SLC45A3: variants seen among roughly 807,000 people sequenced by gnomAD.
SLC45A3 encodes solute carrier family 45 member 3.
Under a neutral mutation model 35.3 loss-of-function variants are expected in SLC45A3, and 17 were observed. The observed-to-expected ratio is 0.48, with a 90% CI of 0.33 to 0.72. SLC45A3 has a LOEUF of 0.72. SLC45A3 is among the 30% of genes least tolerant of loss of function. SLC45A3 has a pLI of 0.02. For missense variants in SLC45A3, 597 were observed against 731.7 expected, an observed-to-expected ratio of 0.82 and a Z score of 2.12; for synonymous variants, 288 against 334.3, an observed-to-expected ratio of 0.86 and a Z score of 1.51.
Position 205,659,607 on chromosome 1 carries a change from C to A in SLC45A3, c.1289G>T (p.Ser430Ile). 6.4e-7 allele frequency: 1 copy of A among 1,560,190 alleles called. No homozygotes were observed. The highest frequency in any genetic ancestry group is 8.7e-7 in the Non-Finnish European group (1 of 1,154,966). ...GASSEDSLMTSFLPGPKPGAP... is the reference protein window; with the variant it reads ...GASSEDSLMTIFLPGPKPGAP... ...TCCAGGCTTAGGGCCTGGCAGGAAG[C>A]TGGTCATCAGGCTGTCCTCACTGCT... Residue 430 changes from serine (S) to isoleucine (I), a missense_variant, in exon 5 of 5, where the codon AGC becomes ATC. By Grantham distance (142) the Ser-to-Ile change is moderately radical. Coordinates refer to ENST00000367145, the MANE Select transcript of SLC45A3 (RefSeq NM_033102.3). The surrounding 1 kb of genome is among the most constrained non-coding windows in gnomAD (Gnocchi z 5.8).
At chr1:205,678,340 C>CA (rs1158133351) in intron 1 of SLC45A3, among the ~76,000 whole-genome samples, 1 of 152,160 alleles carries the variant, frequency 6.6e-6, no homozygotes, top group Non-Finnish European at 1.5e-5. Context: ...ATCTTTCTGA[C>CA]AGTCTGGGTT....
intron 2 of SLC45A3, 72 bp from the exon 3 acceptor site, chr1:205,663,690 C>A: frequency 2.1e-6 from 3 of 1,418,936 alleles, no homozygotes; most frequent in South Asian, 2.8e-5. Context: ...AACCAAGCTC[C>A]GTGAGAAGGA....
chr1:205,659,066 C>A lies in SLC45A3; in HGVS notation c.*168G>T. ...AGAGAGGAGAGGGACGCCCCAGCCC[C>A]CAGCTGTGCAGCTACGCACCTCAGC... On this transcript the variant is annotated 3_prime_UTR_variant, in exon 5 of 5. Coordinates refer to ENST00000367145, the MANE Select transcript of SLC45A3 (RefSeq NM_033102.3). This position sits in a 1 kb window ranked among gnomAD's most constrained non-coding sequence, Gnocchi z 5.8. 1.4e-6 allele frequency: 1 copy of A among 695,498 alleles called. No homozygotes were observed. The allele number at this position is 695,498 out of a possible 1,614,324, so 43.1% of individuals were successfully genotyped here.
rs1159524354 is a variant in SLC45A3 at position 205,669,228 on chromosome 1, C to G, written c.-230-4342G>C. Among the ~76,000 whole-genome samples, 1 of 152,176 alleles carries G rather than the reference C, an allele frequency of 6.6e-6. No individual in the cohort carries two copies. Among genetic ancestry groups the G allele is most frequent in the Non-Finnish European group, 1.5e-5 (1 of 68,034 alleles). Reference sequence around the variant, plus strand: ...AGGTGGTGAGTGGCTCAGATAAACCCTCCTGGACTGGAAAGCCCCCACTTC... The same window carrying G: ...AGGTGGTGAGTGGCTCAGATAAACCGTCCTGGACTGGAAAGCCCCCACTTC... On this transcript the variant is annotated intron_variant, in intron 1 of 4. Transcript: ENST00000367145. The surrounding 1 kb of genome is among the most constrained non-coding windows in gnomAD (Gnocchi z 4.1).
chr1:205,676,357 G>C (rs953069430), intron 1 of SLC45A3, among the ~76,000 whole-genome samples: 1 of 152,152 alleles, frequency 6.6e-6, no homozygotes, highest in African/African-American at 2.4e-5. Flanking sequence ...TATGGTGACT[G>C]GGGGACTGTG....
In SLC45A3 at chr1:205,662,657, G is replaced by T; in HGVS notation, c.958+176C>A. The T allele has an allele frequency of 2.2e-6, 3 of 1,385,646 alleles. No homozygotes were observed. In the South Asian group the frequency reaches 5.7e-5, roughly 26 times the overall value. 85.8% of individuals were successfully genotyped at this position (1,385,646 alleles called of 1,614,324 possible). A position where few individuals can be genotyped will look rare whatever the true frequency, so the allele number is the denominator to read the frequency against. On this transcript the variant is annotated intron_variant, in intron 3 of 4. Transcript: ENST00000367145. The surrounding 1 kb of genome is among the most constrained non-coding windows in gnomAD (Gnocchi z 6.2). ...AGCAGCCAGAGGCCTTCCTGAAACC[G>T]CAAGCAGAGATGTTCCACACCCATG...
At chr1:205,667,207 A>T (rs988059205) in intron 1 of SLC45A3, among the ~76,000 whole-genome samples, 3 of 152,082 alleles carry the variant, frequency 2.0e-5, no homozygotes, top group African/African-American at 7.2e-5. Context: ...TGTTTCTACA[A>T]AAATAAAAAT....
At chr1:205,679,837 C>A (rs1367416038) in intron 1 of SLC45A3, among the ~76,000 whole-genome samples, 2 of 152,036 alleles carry the variant, frequency 1.3e-5, no homozygotes. Context: ...CCGGCCTGGG[C>A]CTGAGCACCC....
At chr1:205,672,937 G>A (rs1395259814) in intron 1 of SLC45A3, among the ~76,000 whole-genome samples, 1 of 152,152 alleles carries the variant, frequency 6.6e-6, no homozygotes, top group African/African-American at 2.4e-5. Context: ...TTCAGGAAGG[G>A]ATTCATGTTC....
At chr1:205,667,452 A>C (rs1403264127) in intron 1 of SLC45A3, among the ~76,000 whole-genome samples, 2 of 152,120 alleles carry the variant, frequency 1.3e-5, no homozygotes, top group African/African-American at 4.8e-5. Flanking sequence ...GGTTGCAGTG[A>C]GCCGAGATTG....
intron 1 of SLC45A3, among the ~76,000 whole-genome samples, chr1:205,671,475 G>C (rs1012656837): frequency 2.6e-5 from 4 of 152,190 alleles, no homozygotes; most frequent in Non-Finnish European, 1.5e-5. Context: ...GTGTCTGCCT[G>C]ACCTGGGTTT....
rs1048291500 is a variant in SLC45A3, at chr1:205,664,948, G to A, written c.-230-62C>T. 1.2e-4 allele frequency: 150 copies of A among 1,242,188 alleles called. No individual in the cohort carries two copies. The highest frequency in any genetic ancestry group is 1.4e-4 in the Non-Finnish European group (135 of 989,206). 76.9% of individuals were successfully genotyped at this position (1,242,188 alleles called of 1,614,324 possible). A position where few individuals can be genotyped will look rare whatever the true frequency, so the allele number is the denominator to read the frequency against. On this transcript the variant is annotated intron_variant, in intron 1 of 4. Coordinates refer to ENST00000367145, the MANE Select transcript of SLC45A3 (RefSeq NM_033102.3). The surrounding 1 kb of genome is among the most constrained non-coding windows in gnomAD (Gnocchi z 5.3). ...TAAGTCCTGGGAGCCAGGTCTCCAC[G>A]ATTTGCTCTAAATTGTCTGGATCCT...
Position 205,664,880 on chromosome 1 carries a change from T to G in SLC45A3, c.-224A>C. On this transcript the variant is annotated 5_prime_UTR_variant, in exon 2 of 5. Coordinates refer to ENST00000367145, the MANE Select transcript of SLC45A3 (RefSeq NM_033102.3). This position sits in a 1 kb window ranked among gnomAD's most constrained non-coding sequence, Gnocchi z 5.3. ...CCTCAGTGGGGACACGTCTCATCAC[T>G]CAGATCCTAGAAGGGCGGGGCAATC... 1 of 1,388,250 alleles carries G rather than the reference T, an allele frequency of 7.2e-7. No homozygotes were observed. Among genetic ancestry groups the G allele is most frequent in the African/African-American group, 1.4e-5 (1 of 68,966 alleles). 86.0% of individuals were successfully genotyped at this position (1,388,250 alleles called of 1,614,324 possible).
At position 205,666,698 on chromosome 1, in the gene SLC45A3, T is replaced by A. The variant is rs1378698045; in HGVS notation, c.-230-1812A>T. Among the ~76,000 whole-genome samples the A allele has an allele frequency of 7.9e-5, 12 of 152,168 alleles. No homozygotes were observed. Among genetic ancestry groups the A allele is most frequent in the Non-Finnish European group, 4.4e-5 (3 of 68,034 alleles). On this transcript the variant is annotated intron_variant, in intron 1 of 4. Coordinates refer to ENST00000367145, the MANE Select transcript of SLC45A3 (RefSeq NM_033102.3). The surrounding 1 kb of genome is among the most constrained non-coding windows in gnomAD (Gnocchi z 4.1). ...CACACGGCCTCCTACGGAGGTGGCATGAGAAGGGGTGTAAAATACTGACCC... is the reference window on the plus strand; with the variant it reads ...CACACGGCCTCCTACGGAGGTGGCAAGAGAAGGGGTGTAAAATACTGACCC...
At chr1:205,661,070 C>A (rs1477720332) in intron 4 of SLC45A3, among the ~76,000 whole-genome samples, 1 of 152,218 alleles carries the variant, frequency 6.6e-6, no homozygotes, top group Admixed American at 6.5e-5. Flanking sequence ...CAACTTCATG[C>A]CCCTCAAGGC....
intron 1 of SLC45A3, among the ~76,000 whole-genome samples, chr1:205,665,230 ATCAAGG>A (rs1472008325): frequency 2.6e-5 from 4 of 152,138 alleles, no homozygotes; most frequent in African/African-American, 9.7e-5. Context: ...TTGCCCAGCT[ATCAAGG>A]TGCCCCTGGA....
chr1:205,674,935 C>T (rs1471646551), intron 1 of SLC45A3, among the ~76,000 whole-genome samples: 6 of 152,090 alleles, frequency 3.9e-5, no homozygotes, highest in South Asian at 2.1e-4. Flanking sequence ...AGGCTGGTCT[C>T]GAACACCTGA....
chr1:205,667,332 C>T (rs1223495717), intron 1 of SLC45A3, among the ~76,000 whole-genome samples: 2 of 152,168 alleles, frequency 1.3e-5, no homozygotes, highest in African/African-American at 4.8e-5. Flanking sequence ...CGTGGTGAAA[C>T]CCCATCTCTA....
rs1466700858 is a variant in SLC45A3 at position 205,663,494 on chromosome 1, G to T, written c.297C>A (p.Ser99Arg). 1.9e-6 allele frequency: 3 copies of T among 1,613,030 alleles called. No individual in the cohort carries two copies. In the African/African-American group the frequency reaches 4.0e-5, roughly 22 times the overall value. The change falls in exon 3 of 5, where the codon AGC becomes AGA. Residue 99 changes from serine (S) to arginine (R), a missense_variant. This residue lies in a region of SLC45A3 where 555 missense variants were observed against 664.9 expected (regional missense o/e 0.83). Coordinates refer to ENST00000367145, the MANE Select transcript of SLC45A3 (RefSeq NM_033102.3). ...AGCCGGCCCTTGGGATGAGAAAGAGGCTCAGCAGGATGCCCAAGGACAGTG... is the reference window on the plus strand; with the variant it reads ...AGCCGGCCCTTGGGATGAGAAAGAGTCTCAGCAGGATGCCCAAGGACAGTG... ...IWALSLGILL[S>R]LFLIPRAGWL...
Sources: allele counts gnomAD v4.1 joint callset (sites outside exome capture counted in the v4.1 genomes callset), GRCh38; gene constraint gnomAD v4.1.1; regional missense constraint gnomAD v4.1.1; non-coding constraint Gnocchi (gnomAD v3.1); transcripts MANE v1.5; gene names NCBI Gene and HGNC (gene_info 2026-07-23, HGNC 2026-07-21).